The following GRID2 variants were observed in gnomAD, a reference collection of about 807,000 sequenced individuals.
GRID2 encodes the protein glutamate receptor ionotropic, delta-2.
A neutral mutation model predicts 114.8 loss-of-function variants in GRID2; 33 were observed. The observed-to-expected ratio is 0.29, with a 90% CI of 0.22 to 0.38. The LOEUF (loss-of-function observed/expected upper bound fraction) is 0.38. GRID2 is among the 10% of genes least tolerant of loss of function. The pLI is 1.00. For missense variants in GRID2, 1,184 were observed against 1,257.7 expected, an observed-to-expected ratio of 0.94 and a Z score of 0.89; for synonymous variants, 505 against 449.9, an observed-to-expected ratio of 1.12 and a Z score of -1.55.
chr4:93,052,399 G>A (rs1726805612), intron 2 of GRID2, among the ~76,000 whole-genome samples: 1 of 151,838 alleles, frequency 6.6e-6, no homozygotes, highest in East Asian at 1.9e-4. Context: ...TGTAGTTGTA[G>A]GAACAGTATA....
intron 2 of GRID2, among the ~76,000 whole-genome samples, chr4:93,045,648 C>G (rs1463095916): frequency 6.6e-6 from 1 of 152,132 alleles, no homozygotes; most frequent in East Asian, 1.9e-4. Flanking sequence ...TTATTAACCT[C>G]ACTTTGCCCT....
chr4:92,737,847 A>G (rs1000145958), intron 2 of GRID2, among the ~76,000 whole-genome samples: 7 of 152,134 alleles, frequency 4.6e-5, no homozygotes, highest in African/African-American at 1.4e-4. Flanking sequence ...CTAAACTAAT[A>G]CTATAGAAAT....
At chr4:93,546,409 C>A (rs1733219599) in intron 13 of GRID2, among the ~76,000 whole-genome samples, 1 of 152,074 alleles carries the variant, frequency 6.6e-6, no homozygotes, top group Admixed American at 6.6e-5. Context: ...GACAAAAGGA[C>A]ATAGGGCTGA....
At chr4:92,990,925 G>A (rs1754862982) in intron 2 of GRID2, among the ~76,000 whole-genome samples, 1 of 152,090 alleles carries the variant, frequency 6.6e-6, no homozygotes, top group African/African-American at 2.4e-5. Context: ...ACATATTGTA[G>A]TATTGTTACT....
chr4:93,456,905 A>G (rs1723258056), intron 11 of GRID2, among the ~76,000 whole-genome samples: 1 of 152,002 alleles, frequency 6.6e-6, no homozygotes, highest in East Asian at 1.9e-4. Flanking sequence ...TAGCCCTTAA[A>G]CCTTTTGTAA....
intron 3 of GRID2, among the ~76,000 whole-genome samples, chr4:93,103,025 T>G (rs1055510018): frequency 2.6e-5 from 4 of 152,092 alleles, no homozygotes; most frequent in Non-Finnish European, 4.4e-5. Context: ...AACTCTGTCC[T>G]GTGCCACCAA....
Position 93,097,581 on chromosome 4 carries a change from A to G in GRID2, c.529+12302A>G, listed in dbSNP as rs138528505. On this transcript the variant is annotated intron_variant, in intron 3 of 15. Coordinates refer to ENST00000282020, the MANE Select transcript of GRID2 (RefSeq NM_001510.4). ...TCAAAATTTTGCAGGGTGCATAGCA[A>G]CATATATATATATTTAAAACTCCAC... Among the ~76,000 whole-genome samples the G allele has an allele frequency of 9.2e-5, 14 of 151,940 alleles. No homozygotes were observed. In the East Asian group the frequency reaches 2.7e-3, roughly 29 times the overall value.
At chr4:92,559,379 A>T (rs771325819) in intron 1 of GRID2, among the ~76,000 whole-genome samples, 2 of 152,116 alleles carry the variant, frequency 1.3e-5, no homozygotes, top group Non-Finnish European at 2.9e-5. Flanking sequence ...AGTGTTTCAC[A>T]TTTTGGATTA....
At chr4:92,408,431 CTTTTTTTT>C (rs35638036) in intron 1 of GRID2, among the ~76,000 whole-genome samples, 3 of 19,394 alleles carry the variant, frequency 1.5e-4, no homozygotes, top group Non-Finnish European at 2.3e-4. Context: ...TATTCAAGCT[CTTTTTTTT>C]TTTTTTTTTT....
intron 2 of GRID2, among the ~76,000 whole-genome samples, chr4:92,792,592 C>T (rs1317544843): frequency 1.3e-5 from 2 of 151,564 alleles, no homozygotes; most frequent in African/African-American, 4.8e-5. Flanking sequence ...ATCCTTGGCA[C>T]TGAATTGTAG....
At chr4:93,660,159 C>T (rs1399117699) in intron 14 of GRID2, among the ~76,000 whole-genome samples, 4 of 152,048 alleles carry the variant, frequency 2.6e-5, no homozygotes, top group Admixed American at 6.6e-5. Context: ...TGAAAAGTGG[C>T]GGGTATCCTG....
At chr4:93,127,194 G>A (rs377453080) in intron 4 of GRID2, among the ~76,000 whole-genome samples, 18 of 152,078 alleles carry the variant, frequency 1.2e-4, no homozygotes, top group East Asian at 5.8e-4. Context: ...GATCACTTGC[G>A]AAGTTATTAT....
At chr4:93,592,403 T>G (rs557530125) in intron 13 of GRID2, among the ~76,000 whole-genome samples, 3 of 152,382 alleles carry the variant, frequency 2.0e-5, no homozygotes, top group African/African-American at 7.2e-5. Flanking sequence ...CTAATTTGAT[T>G]GCACTGTGGT....
intron 8 of GRID2, among the ~76,000 whole-genome samples, chr4:93,265,044 G>C (rs9996266): frequency 9.2e-5 from 14 of 151,460 alleles, no homozygotes; most frequent in Admixed American, 2.6e-4. Context: ...GCCTCCCAAA[G>C]TGCGGGGATT....
intron 2 of GRID2, among the ~76,000 whole-genome samples, chr4:92,750,050 A>G (rs147679212): frequency 0.012 from 1,817 of 152,174 alleles, 40 homozygotes; most frequent in African/African-American, 0.041. Flanking sequence ...TAGTAGAGAC[A>G]GGGTTTCTCC....
intron 13 of GRID2, among the ~76,000 whole-genome samples, chr4:93,560,717 C>T (rs1734840707): frequency 6.6e-6 from 1 of 152,096 alleles, no homozygotes; most frequent in Admixed American, 6.6e-5. Context: ...TGGCCTCAAG[C>T]AGTCCTCCCA....
At chr4:92,666,650 G>GTTTTTTTTGTT (rs1732794081) in intron 2 of GRID2, among the ~76,000 whole-genome samples, 1 of 68,594 alleles carries the variant, frequency 1.5e-5, no homozygotes, top group Non-Finnish European at 2.8e-5. Context: ...CTTAAGGGTT[G>GTTTTTTTTGTT]TTTTTTTTTT....
At chr4:92,760,476 G>T (rs967834450) in intron 2 of GRID2, among the ~76,000 whole-genome samples, 2 of 152,004 alleles carry the variant, frequency 1.3e-5, no homozygotes, top group African/African-American at 4.8e-5. Flanking sequence ...GAGTATGAAG[G>T]CACAATGCCC....
intron 2 of GRID2, among the ~76,000 whole-genome samples, chr4:92,684,190 TTGTG>T (rs1029930361): frequency 6.8e-4 from 103 of 152,102 alleles, no homozygotes; most frequent in African/African-American, 2.4e-3. Flanking sequence ...GTACAATATT[TTGTG>T]TGGGAATGAA....
Sources: allele counts gnomAD v4.1 joint callset (sites outside exome capture counted in the v4.1 genomes callset), GRCh38; gene constraint gnomAD v4.1.1; transcripts MANE v1.5; gene names NCBI Gene and HGNC (gene_info 2026-07-23, HGNC 2026-07-21).